The following TUSC3 variants were observed in gnomAD, a reference collection of about 807,000 sequenced individuals.
TUSC3 encodes tumor suppressor candidate 3.
In TUSC3, 45 loss-of-function variants were observed where a neutral mutation model predicts 44.8. The observed-to-expected ratio is 1.00, with a 90% CI of 0.79 to 1.29. TUSC3 has a LOEUF of 1.29. Ranked by LOEUF, TUSC3 falls within the 50% of genes most tolerant of loss-of-function variation. The pLI is 0.00. For synonymous variants in TUSC3, 212 were observed against 152.9 expected (o/e 1.39, Z -2.85); for missense variants, 519 against 437.9 (o/e 1.19, Z -1.65).
chr8:15,841,582 C>T, the TUSC3 span, among the ~76,000 whole-genome samples: 6 of 151,852 alleles, frequency 4.0e-5, no homozygotes, highest in African/African-American at 1.5e-4. Flanking sequence ...GGCAGGATCT[C>T]GGCTCACTGC....
At chr8:15,623,323 GATAA>G (rs1442352101) in intron 2 of TUSC3, 74 bp downstream of exon 2, 36 of 1,376,376 alleles carry the variant, frequency 2.6e-5, no homozygotes, top group Non-Finnish European at 3.5e-5. Flanking sequence ...TTCATTTTAA[GATAA>G]ATATATGTAA....
intron 2 of TUSC3, among the ~76,000 whole-genome samples, chr8:15,642,774 C>A (rs930901634): frequency 3.3e-5 from 5 of 151,952 alleles, no homozygotes; most frequent in Non-Finnish European, 7.4e-5. Flanking sequence ...GTTTACATTG[C>A]TTTGTTGTTT....
At chr8:15,651,724 G>C (rs990780924) in intron 3 of TUSC3, among the ~76,000 whole-genome samples, 4 of 152,062 alleles carry the variant, frequency 2.6e-5, no homozygotes, top group African/African-American at 7.2e-5. Context: ...CTGTTGGTTA[G>C]GTCACCTACT....
chr8:15,658,644 A>C (rs1363566061), intron 3 of TUSC3, among the ~76,000 whole-genome samples: 1 of 149,758 alleles, frequency 6.7e-6, no homozygotes, highest in Non-Finnish European at 1.5e-5. Context: ...ATATATACAC[A>C]CACACACACA....
chr8:15,423,954 A>C (rs1166719795), intron 1 of TUSC3, among the ~76,000 whole-genome samples: 1 of 96,978 alleles, frequency 1.0e-5, no homozygotes, highest in Non-Finnish European at 2.3e-5. Flanking sequence ...TACAGCATTC[A>C]TACTGTTTTG....
the TUSC3 span, among the ~76,000 whole-genome samples, chr8:15,828,595 C>T: frequency 2.2e-3 from 341 of 152,292 alleles, 1 homozygote; most frequent in African/African-American, 7.7e-3. Flanking sequence ...ATTACAAAGG[C>T]ATGCATCTAT....
chr8:15,503,087 C>G (rs1010042136), intron 2 of TUSC3, among the ~76,000 whole-genome samples: 1 of 152,112 alleles, frequency 6.6e-6, no homozygotes, highest in Non-Finnish European at 1.5e-5. Flanking sequence ...ATGCTGAAGT[C>G]TTAAATCCCC....
intron 2 of TUSC3, among the ~76,000 whole-genome samples, chr8:15,650,147 T>C (rs1806825337): frequency 6.6e-6 from 1 of 152,204 alleles, no homozygotes; most frequent in South Asian, 2.1e-4. Context: ...TGCTTACTGT[T>C]GGTTTGAATG....
At position 15,564,048 on chromosome 8, in the gene TUSC3, C is replaced by G. The variant is rs182535608; in HGVS notation, c.138+23480C>G. ...GCTTTAAAGAAATGTTTCCCTCTTC[C>G]TCTCCATTATAGGAGAAACCATTAT... On this transcript the variant is annotated intron_variant, in intron 1 of 10. Transcript: ENST00000503731. Among the ~76,000 whole-genome samples the G allele has an allele frequency of 1.4e-3, 219 of 152,210 alleles. 1 individual carries two copies. Among genetic ancestry groups the G allele is most frequent in the African/African-American group, 5.0e-3 (209 of 41,534 alleles).
At chr8:15,821,513 T>C in the TUSC3 span, among the ~76,000 whole-genome samples, 1 of 152,002 alleles carries the variant, frequency 6.6e-6, no homozygotes, top group Non-Finnish European at 1.5e-5. Flanking sequence ...CTACACAGAA[T>C]TAAGCTAGCC....
chr8:15,506,757 C>T (rs1801056602), intron 2 of TUSC3, among the ~76,000 whole-genome samples: 1 of 152,144 alleles, frequency 6.6e-6, no homozygotes, highest in Non-Finnish European at 1.5e-5. Flanking sequence ...CCTCCCACAA[C>T]ACGTGAGGAT....
Position 15,605,107 on chromosome 8 carries a change from A to G in TUSC3, c.139-17973A>G, listed in dbSNP as rs1402697729. Reference sequence around the variant, plus strand: ...TGTGGAAGTTAGAATATAATGAAACATCCTCATTTTCTCAAATAGCAGCCT... The same window carrying G: ...TGTGGAAGTTAGAATATAATGAAACGTCCTCATTTTCTCAAATAGCAGCCT... On this transcript the variant is annotated intron_variant, in intron 1 of 10. Transcript: ENST00000503731. 5.9e-5 allele frequency among the ~76,000 whole-genome samples: 9 copies of G among 151,996 alleles called. No homozygotes were observed. In the East Asian group the frequency reaches 1.7e-3, roughly 29 times the overall value.
rs1023993737 is a variant in TUSC3 at position 15,557,788 on chromosome 8, T to G, written c.138+17220T>G. Among the ~76,000 whole-genome samples, 9 of 137,854 alleles carry G rather than the reference T, an allele frequency of 6.5e-5. 1 individual carries two copies. Among genetic ancestry groups the G allele is most frequent in the African/African-American group, 2.4e-4 (9 of 37,726 alleles). 90.4% of individuals were successfully genotyped at this position (137,854 alleles called of 152,430 possible). ...GCAGTTGTGAATGGGAGTTCACTCATGATTTGGCTCTCCGTTTGTCTGTTG... is the reference window on the plus strand; with the variant it reads ...GCAGTTGTGAATGGGAGTTCACTCAGGATTTGGCTCTCCGTTTGTCTGTTG... On this transcript the variant is annotated intron_variant, in intron 1 of 10. Coordinates refer to ENST00000503731, the MANE Select transcript of TUSC3 (RefSeq NM_006765.4).
chr8:15,719,087 G>T (rs1810189180), intron 6 of TUSC3, among the ~76,000 whole-genome samples: 1 of 151,878 alleles, frequency 6.6e-6, no homozygotes, highest in Non-Finnish European at 1.5e-5. Context: ...ACTTTCCCTG[G>T]TCTCCTTGCT....
chr8:15,824,211 T>C, the TUSC3 span, among the ~76,000 whole-genome samples: 5 of 152,302 alleles, frequency 3.3e-5, no homozygotes, highest in Non-Finnish European at 5.9e-5. Context: ...TATCTTGTTA[T>C]TGATTATTAA....
At chr8:15,772,796 A>G in the TUSC3 span, among the ~76,000 whole-genome samples, 2 of 152,368 alleles carry the variant, frequency 1.3e-5, no homozygotes, top group African/African-American at 4.8e-5. Context: ...AAAGTTTTAT[A>G]CAGCATGACC....
rs141187441 is a variant in TUSC3, at chr8:15,595,161, T to C, written c.139-27919T>C. Reference sequence around the variant, plus strand: ...GAGAAAAATACGGAAAGCTGGGCTCTTAAGGCCGTTTGGAGAACTGTCCTG... The same window carrying C: ...GAGAAAAATACGGAAAGCTGGGCTCCTAAGGCCGTTTGGAGAACTGTCCTG... On this transcript the variant is annotated intron_variant, in intron 1 of 10. Coordinates refer to ENST00000503731, the MANE Select transcript of TUSC3 (RefSeq NM_006765.4). Among the ~76,000 whole-genome samples, 1,146 of 152,294 alleles carry C rather than the reference T, an allele frequency of 7.5e-3. 8 individuals are homozygous for C. The highest frequency in any genetic ancestry group is 0.02 in the African/African-American group (839 of 41,568).
At chr8:15,563,663 G>C (rs1423327866) in intron 1 of TUSC3, among the ~76,000 whole-genome samples, 1 of 129,080 alleles carries the variant, frequency 7.7e-6, no homozygotes, top group Non-Finnish European at 1.6e-5. Context: ...TCCAGCCTGA[G>C]TGACAGAGTG....
chr8:15,666,685 T>C (rs1469239260), intron 5 of TUSC3, among the ~76,000 whole-genome samples: 2 of 151,412 alleles, frequency 1.3e-5, no homozygotes, highest in African/African-American at 2.4e-5. Context: ...ATATAATCTT[T>C]ATTTTTTTCT....
Sources: allele counts gnomAD v4.1 joint callset (sites outside exome capture counted in the v4.1 genomes callset), GRCh38; gene constraint gnomAD v4.1.1; transcripts MANE v1.5; gene names NCBI Gene and HGNC (gene_info 2026-07-23, HGNC 2026-07-21).